MCPH1: variants seen among roughly 807,000 people sequenced by gnomAD.
MCPH1 encodes microcephalin 1, also known as microcephalin.
In MCPH1, 104 loss-of-function variants were observed where a neutral mutation model predicts 84.5. The ratio of observed to expected loss-of-function variants is 1.23; its 90% CI spans 1.05 to 1.45. The LOEUF is 1.45. Ranked by LOEUF, MCPH1 falls within the 40% of genes most tolerant of loss-of-function variation. The probability of loss-of-function intolerance (pLI) is 0.00; values close to 1 mark genes in which losing one functional copy is unlikely to be tolerated. For synonymous variants in MCPH1, 514 were observed against 366.8 expected (o/e 1.40, Z -4.58); for missense variants, 1,498 against 1,005.7 (o/e 1.49, Z -6.62).
chr8:6,562,035 C>T lies in MCPH1; in HGVS notation c.2215-59419C>T, dbSNP rs528745131. On this transcript the variant is annotated intron_variant, in intron 12 of 13. Coordinates refer to ENST00000344683, the MANE Select transcript of MCPH1 (RefSeq NM_024596.5). ...ACCTCTGGGACGCTTGGGAACTGTG[C>T]CCCTGTTTACAGACGGCAAGCCCTT... Among the ~76,000 whole-genome samples, 83 of 152,292 alleles carry T rather than the reference C, an allele frequency of 5.5e-4. 1 individual carries two copies. Among genetic ancestry groups the T allele is most frequent in the African/African-American group, 1.7e-3 (70 of 41,570 alleles).
In MCPH1 at chr8:6,569,218, G is replaced by T. The variant is rs78948655; in HGVS notation, c.2215-52236G>T. Among the ~76,000 whole-genome samples the T allele has an allele frequency of 9.1e-3, 1,386 of 152,216 alleles. 7 individuals carry two copies. The highest frequency in any genetic ancestry group is 0.015 in the Non-Finnish European group (998 of 68,018). ...AGAACTAGAGAAATAGCCACAACTG[G>T]CACAACACCTGCCCCTCTGCCAAAA... On this transcript the variant is annotated intron_variant, in intron 12 of 13. Transcript: ENST00000344683.
chr8:6,648,486 AAACT>A lies in MCPH1; in HGVS notation c.*5442_*5445del, dbSNP rs34061351. The stretch of plus-strand genomic sequence containing the variant: ...CCTAGAACAAAAGTGGAATAAATAA[AAACT>A]AACTGTCTCATTTCAGCACTGGCAG... On this transcript the variant is annotated 3_prime_UTR_variant, in exon 14 of 14. Transcript: ENST00000344683. The A allele has an allele frequency of 0.032, 4,819 of 152,354 alleles. 141 individuals are homozygous for A. The highest frequency in any genetic ancestry group is 0.14 in the East Asian group (724 of 5,180). 9.4% of individuals were successfully genotyped at this position (152,354 alleles called of 1,614,324 possible). A position where few individuals can be genotyped will look rare whatever the true frequency, so the allele number is the denominator to read the frequency against.
At chr8:6,458,186 TTGCGGGCTGGG>T in intron 9 of MCPH1, among the ~76,000 whole-genome samples, 1 of 152,288 alleles carries the variant, frequency 6.6e-6, no homozygotes, top group East Asian at 1.9e-4. Context: ...AAGTCCTGAT[TTGCGGGCTGGG>T]TGCGGTGGCT....
At chr8:6,474,287 G>T in intron 9 of MCPH1, 1 of 528,300 alleles carries the variant, frequency 1.9e-6, no homozygotes, top group South Asian at 2.1e-5. Flanking sequence ...TCCTGATTTT[G>T]ATTCTGATAT....
At chr8:6,618,471 CT>C (rs1430946888) in intron 12 of MCPH1, 1 of 152,188 alleles carries the variant, frequency 6.6e-6, no homozygotes, top group African/African-American at 2.4e-5. Context: ...GGTTTATTTA[CT>C]GCTTATCCAT....
At chr8:6,575,791 G>A (rs139254499) in intron 12 of MCPH1, among the ~76,000 whole-genome samples, 53 of 152,250 alleles carry the variant, frequency 3.5e-4, no homozygotes, top group African/African-American at 1.2e-3. Context: ...CAGGAGGAAC[G>A]CCTCGTGACA....
chr8:6,481,736 G>A (rs574141263), intron 11 of MCPH1, among the ~76,000 whole-genome samples: 6 of 152,192 alleles, frequency 3.9e-5, no homozygotes, highest in South Asian at 2.1e-4. Flanking sequence ...AGTGGAAAAC[G>A]TTGAAATTCC....
intron 12 of MCPH1, among the ~76,000 whole-genome samples, chr8:6,556,105 A>G (rs1417559779): frequency 6.6e-6 from 1 of 152,092 alleles, no homozygotes; most frequent in Non-Finnish European, 1.5e-5. Flanking sequence ...TGCCAAGACT[A>G]ACCAAGGGTG....
chr8:6,504,907 G>A (rs879464900), intron 12 of MCPH1, among the ~76,000 whole-genome samples: 1 of 151,942 alleles, frequency 6.6e-6, no homozygotes, highest in East Asian at 1.9e-4. Context: ...CTAAGGATAA[G>A]GGAGGACTGC....
chr8:6,423,805 C>A (rs1436801781), intron 3 of MCPH1, among the ~76,000 whole-genome samples: 2 of 152,126 alleles, frequency 1.3e-5, no homozygotes, highest in African/African-American at 4.8e-5. Context: ...TCCATTCTCA[C>A]TGGAATTATC....
intron 13 of MCPH1, among the ~76,000 whole-genome samples, chr8:6,640,794 T>C (rs1325820558): frequency 6.6e-6 from 1 of 152,254 alleles, no homozygotes; most frequent in African/African-American, 2.4e-5. Context: ...TTCTCCTATT[T>C]ATAGTTTTAA....
intron 12 of MCPH1, among the ~76,000 whole-genome samples, chr8:6,611,089 G>C (rs180711529): frequency 2.0e-4 from 30 of 150,674 alleles, no homozygotes; most frequent in Admixed American, 6.0e-4. Flanking sequence ...TTCTACTGTT[G>C]CTACACACAC....
chr8:6,620,696 C>T lies in MCPH1; in HGVS notation c.2215-758C>T, dbSNP rs139618781. Among the ~76,000 whole-genome samples the T allele has an allele frequency of 3.1e-3, 467 of 152,310 alleles. 4 individuals are homozygous for T. The highest frequency in any genetic ancestry group is 0.01 in the African/African-American group (429 of 41,564). Reference sequence around the variant, plus strand: ...CCCATAGCATCTCGCAGGGTGTGTACACTGAAGAAGTCTTTACCAACCCGT... The same window carrying T: ...CCCATAGCATCTCGCAGGGTGTGTATACTGAAGAAGTCTTTACCAACCCGT... On this transcript the variant is annotated intron_variant, in intron 12 of 13. Transcript: ENST00000344683.
intron 13 of MCPH1, among the ~76,000 whole-genome samples, chr8:6,634,372 C>T (rs893016168): frequency 6.6e-6 from 1 of 152,180 alleles, no homozygotes; most frequent in Non-Finnish European, 1.5e-5. Flanking sequence ...AAATCTGATG[C>T]CAGAACAAGT....
intron 12 of MCPH1, among the ~76,000 whole-genome samples, chr8:6,534,240 A>G (rs956104613): frequency 1.3e-5 from 2 of 152,228 alleles, no homozygotes; most frequent in African/African-American, 4.8e-5. Context: ...TAAAAAACAA[A>G]AATTGTAAAA....
intron 12 of MCPH1, among the ~76,000 whole-genome samples, chr8:6,598,522 G>A (rs1829099800): frequency 6.6e-6 from 1 of 152,244 alleles, no homozygotes; most frequent in Admixed American, 6.5e-5. Flanking sequence ...CGCAGAGGAA[G>A]GAGTGGGCTG....
At chr8:6,588,097 G>T (rs1828139617) in intron 12 of MCPH1, among the ~76,000 whole-genome samples, 1 of 152,190 alleles carries the variant, frequency 6.6e-6, no homozygotes, top group Non-Finnish European at 1.5e-5. Flanking sequence ...TGAGGGTGTG[G>T]AGTTGATGAT....
chr8:6,445,883 G>A (rs1053366441), intron 8 of MCPH1: 138 of 1,053,900 alleles, frequency 1.3e-4, no homozygotes, highest in Non-Finnish European at 1.6e-4. Context: ...TGGCGCTGCA[G>A]CGTGTGTAAA....
intron 12 of MCPH1, among the ~76,000 whole-genome samples, chr8:6,529,472 G>C (rs1285845857): frequency 7.1e-6 from 1 of 141,150 alleles, no homozygotes; most frequent in Admixed American, 7.2e-5. Flanking sequence ...TTTTTTTTGA[G>C]ACAGAGTCTC....
Sources: allele counts gnomAD v4.1 joint callset (sites outside exome capture counted in the v4.1 genomes callset), GRCh38; gene constraint gnomAD v4.1.1; transcripts MANE v1.5; gene names NCBI Gene and HGNC (gene_info 2026-07-23, HGNC 2026-07-21).